SLC24A2: variants seen among roughly 807,000 people sequenced by gnomAD.
SLC24A2 encodes the protein sodium/potassium/calcium exchanger 2.
SLC24A2 carries 36 observed loss-of-function variants against 62.0 expected under a neutral mutation model. The observed-to-expected ratio is 0.58, with a 90% confidence interval of 0.44 to 0.77. SLC24A2 has a LOEUF of 0.77. Ranked by LOEUF, SLC24A2 falls within the 30% of genes least tolerant of loss-of-function variation. The probability of loss-of-function intolerance (pLI) is 0.00; values close to 1 mark genes in which losing one functional copy is unlikely to be tolerated. For missense variants in SLC24A2, 846 were observed against 817.9 expected (o/e 1.03, Z -0.42); for synonymous variants, 358 against 294.0 (o/e 1.22, Z -2.23).
chr9:20,235,006 A>G, the SLC24A2 span, among the ~76,000 whole-genome samples: 85,924 of 152,110 alleles, frequency 0.56, 26,803 homozygotes, highest in East Asian at 0.86. Context: ...GACCCTGTTC[A>G]CCTGGGTATC....
chr9:20,139,914 A>G, the SLC24A2 span, among the ~76,000 whole-genome samples: 1 of 152,214 alleles, frequency 6.6e-6, no homozygotes, highest in African/African-American at 2.4e-5. Flanking sequence ...CAGGCCCCTG[A>G]CCCAGCTAAG....
chr9:19,883,509 C>T, the SLC24A2 span, among the ~76,000 whole-genome samples: 2 of 151,762 alleles, frequency 1.3e-5, no homozygotes, highest in African/African-American at 4.8e-5. Context: ...TGCACTTGCT[C>T]AAGTCATTTA....
the SLC24A2 span, among the ~76,000 whole-genome samples, chr9:20,004,221 C>A: frequency 6.6e-6 from 1 of 152,194 alleles, no homozygotes; most frequent in Non-Finnish European, 1.5e-5. Flanking sequence ...GCTTCATAAC[C>A]TTTGCTTCCC....
At chr9:20,260,118 C>T in the SLC24A2 span, among the ~76,000 whole-genome samples, 1 of 152,154 alleles carries the variant, frequency 6.6e-6, no homozygotes, top group Non-Finnish European at 1.5e-5. Flanking sequence ...AAGGTGAGGC[C>T]TTTAAGAGGC....
chr9:19,850,859 C>A, the SLC24A2 span, among the ~76,000 whole-genome samples: 1 of 145,684 alleles, frequency 6.9e-6, no homozygotes, highest in Non-Finnish European at 1.5e-5. Context: ...TATCTAGTCA[C>A]CAGCTGATGG....
At chr9:19,873,452 TC>T in the SLC24A2 span, among the ~76,000 whole-genome samples, 1 of 133,056 alleles carries the variant, frequency 7.5e-6, no homozygotes, top group Non-Finnish European at 1.5e-5. Context: ...TCTTTCTCTT[TC>T]TTTCTTTCTT....
At chr9:19,969,603 T>C in the SLC24A2 span, among the ~76,000 whole-genome samples, 1 of 152,174 alleles carries the variant, frequency 6.6e-6, no homozygotes, top group African/African-American at 2.4e-5. Flanking sequence ...AGTGCCTCTT[T>C]TTCTCTCCTG....
the SLC24A2 span, among the ~76,000 whole-genome samples, chr9:20,088,297 G>A: frequency 1.3e-5 from 2 of 152,248 alleles, no homozygotes; most frequent in Non-Finnish European, 2.9e-5. Context: ...CTGAGATGGA[G>A]CTCCCAGAGG....
At chr9:19,695,568 C>T (rs1053467415) in intron 2 of SLC24A2, among the ~76,000 whole-genome samples, 1 of 150,656 alleles carries the variant, frequency 6.6e-6, no homozygotes, top group African/African-American at 2.4e-5. Flanking sequence ...TGAAGCTAAA[C>T]CCACGTGAAA....
chr9:19,731,250 CTT>C (rs770406281), intron 2 of SLC24A2, among the ~76,000 whole-genome samples: 10 of 152,154 alleles, frequency 6.6e-5, no homozygotes, highest in African/African-American at 1.4e-4. Flanking sequence ...ACTAGTATAA[CTT>C]ATCTTCTCTG....
At chr9:20,187,895 C>G in the SLC24A2 span, among the ~76,000 whole-genome samples, 1 of 152,176 alleles carries the variant, frequency 6.6e-6, no homozygotes, top group Non-Finnish European at 1.5e-5. Context: ...TTAATTTTCT[C>G]AGGATCCCAC....
chr9:19,702,985 T>G (rs896624320), intron 2 of SLC24A2, among the ~76,000 whole-genome samples: 1 of 152,084 alleles, frequency 6.6e-6, no homozygotes, highest in Non-Finnish European at 1.5e-5. Flanking sequence ...ATAAATGCAA[T>G]GCAATGAAAA....
At chr9:19,964,381 T>C in the SLC24A2 span, among the ~76,000 whole-genome samples, 3 of 151,818 alleles carry the variant, frequency 2.0e-5, no homozygotes, top group Non-Finnish European at 4.4e-5. Context: ...ATAATAATAA[T>C]AATAAAAAAA....
At chr9:20,129,172 G>A in the SLC24A2 span, among the ~76,000 whole-genome samples, 1 of 152,182 alleles carries the variant, frequency 6.6e-6, no homozygotes, top group South Asian at 2.1e-4. Context: ...CATACAAGTG[G>A]TCAGCAAGCT....
chr9:19,874,735 C>T, the SLC24A2 span, among the ~76,000 whole-genome samples: 1 of 152,182 alleles, frequency 6.6e-6, no homozygotes, highest in African/African-American at 2.4e-5. Context: ...TTGTCCTGAT[C>T]TCTGAGGTCA....
intron 2 of SLC24A2, among the ~76,000 whole-genome samples, chr9:19,636,323 C>CTTTTCTTTTCTTTTCT (rs1554690385): frequency 3.1e-4 from 6 of 19,168 alleles, no homozygotes; most frequent in African/African-American, 7.8e-4. Context: ...TCTTTTCTTT[C>CTTTTCTTTTCTTTTCT]TTTCTTTCTT....
chr9:19,972,613 A>C, the SLC24A2 span, among the ~76,000 whole-genome samples: 2 of 152,164 alleles, frequency 1.3e-5, no homozygotes, highest in African/African-American at 4.8e-5. Context: ...GTGGCTGTTT[A>C]GAAGCTTTTA....
chr9:19,629,710 G>A (rs1818128103), intron 2 of SLC24A2, among the ~76,000 whole-genome samples: 1 of 152,156 alleles, frequency 6.6e-6, no homozygotes, highest in South Asian at 2.1e-4. Context: ...GCGGTCATGA[G>A]ACATTCTATA....
At chr9:20,219,192 G>T in the SLC24A2 span, among the ~76,000 whole-genome samples, 2 of 152,176 alleles carry the variant, frequency 1.3e-5, no homozygotes, top group African/African-American at 4.8e-5. Flanking sequence ...AACACATGTG[G>T]CAGAGGCTGT....
Sources: gnomAD v4.1 joint callset for allele counts (sites outside exome capture counted in the v4.1 genomes callset) on GRCh38, gnomAD v4.1.1 for gene constraint, MANE v1.5 for transcripts, NCBI Gene and HGNC (gene_info 2026-07-23, HGNC 2026-07-21) for gene names.